Variants in MACROD2 observed in about 807,000 individuals in gnomAD.
The protein encoded by MACROD2 is mono-ADP ribosylhydrolase 2.
MACROD2 carries 36 observed loss-of-function variants against 70.4 expected under a neutral mutation model. The ratio of observed to expected loss-of-function variants is 0.51; its 90% CI spans 0.39 to 0.68. MACROD2 has a LOEUF of 0.68. Among genes scored for constraint, MACROD2 ranks in the 30% least tolerant of loss-of-function variants. The pLI, the probability that MACROD2 is intolerant of heterozygous loss-of-function variation, is 0.00. For synonymous variants in MACROD2, 172 were observed against 178.8 expected (o/e 0.96, Z 0.30); for missense variants, 496 against 538.4 (o/e 0.92, Z 0.78).
At chr20:14,566,571 T>G (rs1456473120) in intron 4 of MACROD2, 2 of 151,868 alleles carry the variant, frequency 1.3e-5, no homozygotes, top group Non-Finnish European at 2.9e-5. Flanking sequence ...GTAAGATGGG[T>G]CAGATTCCCC....
intron 4 of MACROD2, among the ~76,000 whole-genome samples, chr20:14,577,181 T>C (rs941644535): frequency 3.9e-5 from 6 of 152,190 alleles, no homozygotes; most frequent in Non-Finnish European, 4.4e-5. Context: ...GATGGCCAAA[T>C]CATTGAGGAT....
intron 5 of MACROD2, among the ~76,000 whole-genome samples, chr20:14,899,597 ACTAGGGTTTGCC>A (rs2073872272): frequency 6.6e-6 from 1 of 152,122 alleles, no homozygotes; most frequent in Non-Finnish European, 1.5e-5. Flanking sequence ...GTCATATTGG[ACTAGGGTTTGCC>A]CTAATGACCT....
chr20:14,091,763 T>A (rs147229426), intron 3 of MACROD2, among the ~76,000 whole-genome samples: 489 of 152,322 alleles, frequency 3.2e-3, no homozygotes, highest in East Asian at 0.011. Context: ...ATTAATTCAG[T>A]AATTGTTCAT....
chr20:15,432,414 G>A (rs1449509461), intron 7 of MACROD2, among the ~76,000 whole-genome samples: 19 of 151,988 alleles, frequency 1.3e-4, no homozygotes, highest in Non-Finnish European at 2.9e-5. Flanking sequence ...TTCAATTTAA[G>A]CCTTCTTCCT....
At chr20:14,601,711 A>G (rs1208634655) in intron 4 of MACROD2, among the ~76,000 whole-genome samples, 3 of 152,178 alleles carry the variant, frequency 2.0e-5, no homozygotes, top group Admixed American at 6.6e-5. Flanking sequence ...CGTGAAAGTC[A>G]TAACTTAGCA....
intron 6 of MACROD2, among the ~76,000 whole-genome samples, chr20:15,305,309 T>A (rs1185728040): frequency 6.6e-6 from 1 of 152,190 alleles, no homozygotes; most frequent in South Asian, 2.1e-4. Context: ...ATTTACATTG[T>A]TTCACTTACA....
At chr20:15,870,461 A>G (rs909639431) in intron 9 of MACROD2, among the ~76,000 whole-genome samples, 3 of 152,094 alleles carry the variant, frequency 2.0e-5, no homozygotes, top group Non-Finnish European at 2.9e-5. Context: ...TCCAAAACTC[A>G]TGTTGAAATT....
intron 3 of MACROD2, among the ~76,000 whole-genome samples, chr20:14,344,013 A>AT (rs968108237): frequency 1.2e-4 from 18 of 151,680 alleles, no homozygotes; most frequent in South Asian, 8.3e-4. Flanking sequence ...AAATTGTCAG[A>AT]TTTTTTTTTC....
chr20:14,003,498 G>T, intron 2 of MACROD2: 2 of 254,208 alleles, frequency 7.9e-6, no homozygotes, highest in Non-Finnish European at 1.6e-5. Flanking sequence ...CATCTGACCT[G>T]TCTGCCCAGT....
At chr20:15,931,963 G>T (rs1429359454) in intron 10 of MACROD2, among the ~76,000 whole-genome samples, 1 of 152,220 alleles carries the variant, frequency 6.6e-6, no homozygotes, top group East Asian at 1.9e-4. Flanking sequence ...TCTTGCCTCG[G>T]AATTAAGAGT....
chr20:15,030,338 C>A (rs984719164), intron 5 of MACROD2, among the ~76,000 whole-genome samples: 7 of 152,112 alleles, frequency 4.6e-5, no homozygotes, highest in Non-Finnish European at 8.8e-5. Flanking sequence ...GTGGTGCATG[C>A]CTATAGTCCC....
chr20:14,636,662 C>T (rs769857341), intron 4 of MACROD2: 3 of 152,160 alleles, frequency 2.0e-5, no homozygotes, highest in Non-Finnish European at 4.4e-5. Context: ...CACCTGTGAT[C>T]AAAAGCCTTC....
chr20:14,979,198 G>C (rs572625479), intron 5 of MACROD2, among the ~76,000 whole-genome samples: 1 of 151,278 alleles, frequency 6.6e-6, no homozygotes, highest in Admixed American at 6.6e-5. Flanking sequence ...AGCCTCAAAA[G>C]ATCCTCCTAC....
intron 3 of MACROD2, among the ~76,000 whole-genome samples, chr20:14,177,053 C>T (rs2081268203): frequency 6.6e-6 from 1 of 152,166 alleles, no homozygotes; most frequent in South Asian, 2.1e-4. Flanking sequence ...GACTTCCCCT[C>T]TTTGTATACA....
intron 3 of MACROD2, among the ~76,000 whole-genome samples, chr20:14,488,154 T>C (rs2084756548): frequency 6.6e-6 from 1 of 152,224 alleles, no homozygotes; most frequent in Non-Finnish European, 1.5e-5. Flanking sequence ...TATTTGTATT[T>C]ATTCAAAACC....
At chr20:15,104,950 C>T (rs894416634) in intron 5 of MACROD2, among the ~76,000 whole-genome samples, 1 of 152,112 alleles carries the variant, frequency 6.6e-6, no homozygotes, top group African/African-American at 2.4e-5. Flanking sequence ...GGTGACTATA[C>T]TATTCTTTTC....
chr20:14,181,241 T>A (rs994513908), intron 3 of MACROD2, among the ~76,000 whole-genome samples: 7 of 151,794 alleles, frequency 4.6e-5, no homozygotes, highest in African/African-American at 9.7e-5. Context: ...GCTAATTTTT[T>A]ATTTTTTGTT....
At chr20:14,403,910 G>A (rs2058088811) in intron 3 of MACROD2, among the ~76,000 whole-genome samples, 1 of 151,814 alleles carries the variant, frequency 6.6e-6, no homozygotes, top group African/African-American at 2.4e-5. Flanking sequence ...ATAACTATTG[G>A]AAAAATCAGA....
intron 3 of MACROD2, among the ~76,000 whole-genome samples, chr20:14,373,701 A>G (rs1029446549): frequency 6.6e-6 from 1 of 152,136 alleles, no homozygotes; most frequent in African/African-American, 2.4e-5. Context: ...AAATCTTGAA[A>G]ATAGAAGTTC....
Sources: gnomAD v4.1 joint callset for allele counts (sites outside exome capture counted in the v4.1 genomes callset) on GRCh38, gnomAD v4.1.1 for gene constraint, MANE v1.5 for transcripts, NCBI Gene and HGNC (gene_info 2026-07-23, HGNC 2026-07-21) for gene names.